The following IREB2 variants were observed in gnomAD, a reference collection of about 807,000 sequenced individuals.
IREB2 encodes the protein iron-responsive element-binding protein 2.
A neutral mutation model predicts 118.8 loss-of-function variants in IREB2; 39 were observed. That is an observed-to-expected ratio of 0.33 (90% CI 0.25 to 0.43). IREB2 has a LOEUF of 0.43. Among genes scored for constraint, IREB2 ranks in the 20% least tolerant of loss-of-function variants. The probability of loss-of-function intolerance (pLI) is 1.00; values close to 1 mark genes in which losing one functional copy is unlikely to be tolerated. For missense variants in IREB2, 900 were observed against 1,147.3 expected, an observed-to-expected ratio of 0.78 and a Z score of 3.11; for synonymous variants, 372 against 392.2, an observed-to-expected ratio of 0.95 and a Z score of 0.61.
chr15:78,448,719 A>G (rs2050973871), intron 2 of IREB2, among the ~76,000 whole-genome samples: 1 of 152,042 alleles, frequency 6.6e-6, no homozygotes, highest in African/African-American at 2.4e-5. Flanking sequence ...GGTTAGCTTT[A>G]CCCTGTAGCT....
At chr15:78,459,756 C>T (rs1237198026) in intron 2 of IREB2, among the ~76,000 whole-genome samples, 1 of 152,168 alleles carries the variant, frequency 6.6e-6, no homozygotes. Context: ...AGGGCCAACA[C>T]AGTATTTGGT....
In IREB2 at chr15:78,465,396, A is replaced by C. The variant is rs774276221; in HGVS notation, c.410+8A>C. 6.2e-7 allele frequency: 1 copy of C among 1,605,382 alleles called. No homozygotes were observed. The highest frequency in any genetic ancestry group is 8.5e-7 in the Non-Finnish European group (1 of 1,176,210). Reference sequence around the variant, plus strand: ...AATTGACTTCAGTAAATGGTACTTCAATGCAGATATTTATAGACAGCCATG... The same window carrying C: ...AATTGACTTCAGTAAATGGTACTTCCATGCAGATATTTATAGACAGCCATG... On this transcript the variant is annotated splice_region_variant and intron_variant, in intron 4 of 21. Transcript: ENST00000258886.
chr15:78,494,375 T>TC, intron 20 of IREB2, 111 bp downstream of exon 20: 1 of 1,097,120 alleles, frequency 9.1e-7, no homozygotes, highest in Non-Finnish European at 1.3e-6. Context: ...TATTTGAACC[T>TC]TATAGGTATA....
At chr15:78,441,927 G>C (rs2050850533) in intron 2 of IREB2, among the ~76,000 whole-genome samples, 2 of 151,690 alleles carry the variant, frequency 1.3e-5, no homozygotes, top group South Asian at 4.2e-4. Context: ...ATTTTTTTGA[G>C]ACAGGATCTT....
intron 2 of IREB2, among the ~76,000 whole-genome samples, chr15:78,460,592 A>G (rs936137453): frequency 8.5e-5 from 13 of 152,310 alleles, no homozygotes; most frequent in African/African-American, 2.9e-4. Context: ...CCTTCTCCAG[A>G]TTAGAATCAG....
At chr15:78,495,515 A>G (rs193003060) in intron 20 of IREB2, among the ~76,000 whole-genome samples, 88 of 152,204 alleles carry the variant, frequency 5.8e-4, no homozygotes, top group Non-Finnish European at 7.5e-4. Flanking sequence ...AAGCGATTCT[A>G]TATGTCATTA....
intron 2 of IREB2, among the ~76,000 whole-genome samples, chr15:78,445,147 T>A (rs1352739873): frequency 6.6e-6 from 1 of 151,660 alleles, no homozygotes; most frequent in Non-Finnish European, 1.5e-5. Context: ...TTTTTTTTTT[T>A]TTTTTTTTGA....
Position 78,476,306 on chromosome 15 carries a change from T to G in IREB2, c.1142T>G (p.Ile381Ser). 6.2e-7 allele frequency: 1 copy of G among 1,605,162 alleles called. No individual in the cohort carries two copies. Among genetic ancestry groups the G allele is most frequent in the East Asian group, 2.2e-5 (1 of 44,726 alleles). ...AACATGTGTCCGGAATATGGTGCTA[T>G]CCTCAGCTTTTTCCCTGTTGACAAT... ...IANMCPEYGA[I>S]LSFFPVDNVT... Residue 381 changes from isoleucine (I) to serine (S), a missense_variant, in exon 9 of 22, where the codon ATC (isoleucine) becomes AGC (serine). Coordinates refer to ENST00000258886, the MANE Select transcript of IREB2 (RefSeq NM_004136.4).
At chr15:78,446,241 T>C (rs1223797404) in intron 2 of IREB2, among the ~76,000 whole-genome samples, 1 of 152,230 alleles carries the variant, frequency 6.6e-6, no homozygotes, top group Non-Finnish European at 1.5e-5. Context: ...GCTTGTAATT[T>C]GTACACATAG....
chr15:78,445,155 T>TTTTA (rs2050908627), intron 2 of IREB2, among the ~76,000 whole-genome samples: 1 of 150,606 alleles, frequency 6.6e-6, no homozygotes. Flanking sequence ...TTTTTTTTTT[T>TTTTA]GAGACAGAGT....
chr15:78,450,177 G>A (rs960831001), intron 2 of IREB2, among the ~76,000 whole-genome samples: 5 of 152,182 alleles, frequency 3.3e-5, no homozygotes, highest in East Asian at 1.9e-4. Flanking sequence ...GAAAAGACAC[G>A]GTTTAGTAAT....
chr15:78,459,861 T>C lies in IREB2; in HGVS notation c.107-3061T>C, dbSNP rs568729581. ...GTTGAAAAACCTAGGTTCTTTATCC[T>C]GTAGAATGTCCCACATTCTAGATTT... is the stretch of plus-strand genomic sequence containing the variant. On this transcript the variant is annotated intron_variant, in intron 2 of 21. Coordinates refer to ENST00000258886, the MANE Select transcript of IREB2 (RefSeq NM_004136.4). Among the ~76,000 whole-genome samples, 6 of 152,328 alleles carry C rather than the reference T, an allele frequency of 3.9e-5. 1 individual carries two copies. The South Asian group carries it at 1.2e-3, about 32-fold the overall frequency.
At chr15:78,449,443 T>A (rs779424604) in intron 2 of IREB2, among the ~76,000 whole-genome samples, 1 of 152,164 alleles carries the variant, frequency 6.6e-6, no homozygotes, top group Non-Finnish European at 1.5e-5. Context: ...ACAAGTGAAA[T>A]GTTCTGCTGG....
intron 3 of IREB2, 108 bp downstream of exon 3, chr15:78,463,195 T>C: frequency 1.1e-6 from 1 of 913,420 alleles, no homozygotes; most frequent in Non-Finnish European, 1.6e-6. Flanking sequence ...TCCCAGTACT[T>C]TGGGAGGCCA....
Position 78,470,582 on chromosome 15 carries a change from A to G in IREB2, c.680A>G (p.Glu227Gly), listed in dbSNP as rs1208405475. ...GAAGTAGAATTCGGCAGAAATCGAG[A>G]GAGGCTTCAGTTTTTTAAGGTATAA... ...NQEVEFGRNR[E>G]RLQFFKWSSR... Residue 227 changes from glutamate (E) to glycine (G), a missense_variant, in exon 6 of 22, where the codon GAG becomes GGG. By Grantham distance (98) the Glu-to-Gly change is moderately conservative. Transcript: ENST00000258886. The G allele has an allele frequency of 6.3e-7, 1 of 1,589,646 alleles. No homozygotes were observed. The highest frequency in any genetic ancestry group is 2.2e-5 in the East Asian group (1 of 44,610).
rs1273509242 is a variant in IREB2 at position 78,497,141 on chromosome 15, T to G, written c.2611T>G (p.Leu871Val). Residue 871 changes from leucine to valine, a missense_variant, in exon 21 of 22, where the codon TTG becomes GTG. Physicochemically the swap from Leu to Val is conservative, Grantham distance 32. Coordinates refer to ENST00000258886, the MANE Select transcript of IREB2 (RefSeq NM_004136.4). ...TTTATTACAGGGTGTGAAAGCTGTTTTGGCCGAAAGTTATGAAAAAATACA... is the reference window on the plus strand; with the variant it reads ...TTTATTACAGGGTGTGAAAGCTGTTGTGGCCGAAAGTTATGAAAAAATACA... The part of the protein sequence containing the change: ...GPYLLGVKAV[L>V]AESYEKIHKD... 2 of 1,613,382 alleles carry G rather than the reference T, an allele frequency of 1.2e-6. No individual in the cohort carries two copies. Among genetic ancestry groups the G allele is most frequent in the South Asian group, 1.1e-5 (1 of 91,062 alleles).
chr15:78,452,370 T>C (rs1260620451), intron 2 of IREB2, among the ~76,000 whole-genome samples: 1 of 152,178 alleles, frequency 6.6e-6, no homozygotes, highest in African/African-American at 2.4e-5. Flanking sequence ...GTTCACCTCC[T>C]GAATCGGGCA....
At chr15:78,473,884 C>T (rs1422132582) in intron 8 of IREB2, 2 of 151,954 alleles carry the variant, frequency 1.3e-5, no homozygotes, top group Admixed American at 6.5e-5. Context: ...TTGATTGTGT[C>T]GTCTTTAATT....
chr15:78,475,572 A>G (rs1042701834), intron 8 of IREB2: 8 of 152,248 alleles, frequency 5.3e-5, no homozygotes, highest in African/African-American at 1.9e-4. Context: ...CTAAGAAAGA[A>G]TAAAGGGCTG....
Sources: allele counts gnomAD v4.1 joint callset (sites outside exome capture counted in the v4.1 genomes callset), GRCh38; gene constraint gnomAD v4.1.1; transcripts MANE v1.5; gene names NCBI Gene and HGNC (gene_info 2026-07-23, HGNC 2026-07-21).